NT5C1B: variants seen among roughly 807,000 people sequenced by gnomAD.
NT5C1B encodes the protein cytosolic 5'-nucleotidase 1B.
A neutral mutation model predicts 57.8 loss-of-function variants in NT5C1B; 44 were observed. The ratio of observed to expected loss-of-function variants is 0.76; its 90% CI spans 0.60 to 0.98. The LOEUF is 0.98. NT5C1B is among the 50% of genes least tolerant of loss of function. The pLI is 0.00. For synonymous variants in NT5C1B, 284 were observed against 282.6 expected (o/e 1.00, Z -0.05); for missense variants, 742 against 719.5 (o/e 1.03, Z -0.36).
At chr2:18,585,135 C>T in intron 3 of NT5C1B, 157 bp from the exon 4 acceptor site, 1 of 963,762 alleles carries the variant, frequency 1.0e-6, no homozygotes, top group Non-Finnish European at 1.7e-6. Context: ...ATTTCTAGGC[C>T]TCAGCTGTTT....
Position 18,576,703 on chromosome 2 carries a change from C to T in NT5C1B, c.1144+70G>A, listed in dbSNP as rs115753534. 15,467 of 1,585,712 alleles carry T rather than the reference C, an allele frequency of 9.8e-3. 112 individuals are homozygous for T. The highest frequency in any genetic ancestry group is 0.011 in the Non-Finnish European group (12,463 of 1,170,136). Reference sequence around the variant, plus strand: ...AGACCATAAGCCTCATAATCATATGCGAAACTTAATGTAAGTCACCATTAG... The same window carrying T: ...AGACCATAAGCCTCATAATCATATGTGAAACTTAATGTAAGTCACCATTAG... On this transcript the variant is annotated intron_variant, in intron 7 of 8. Coordinates refer to ENST00000304081, the Ensembl canonical transcript of NT5C1B.
At chr2:18,587,184 G>A in intron 2 of NT5C1B, 1 of 1,608,806 alleles carries the variant, frequency 6.2e-7, no homozygotes, top group South Asian at 1.1e-5. Flanking sequence ...CTGAAAGATT[G>A]TGCAGAAAGT....
At chr2:18,564,260 A>G (rs1664438255) in intron 8 of NT5C1B, 141 bp from the exon 9 acceptor site, 1 of 979,756 alleles carries the variant, frequency 1.0e-6, no homozygotes, top group Non-Finnish European at 1.4e-6. Context: ...TGATGGCAAA[A>G]TGCTAAAACT....
chr2:18,583,608 TA>T (rs1437857494), intron 5 of NT5C1B: 1 of 336,556 alleles, frequency 3.0e-6, no homozygotes, highest in African/African-American at 2.1e-5. Context: ...ATCAAAGTTG[TA>T]AGTGCTATAC....
chr2:18,565,264 G>A (rs1341208495), intron 8 of NT5C1B, among the ~76,000 whole-genome samples: 6 of 151,962 alleles, frequency 3.9e-5, no homozygotes, highest in Non-Finnish European at 7.4e-5. Flanking sequence ...GGTTGTTTTA[G>A]TTTTAATTCT....
At chr2:18,573,746 C>A (rs941622527) in intron 8 of NT5C1B, among the ~76,000 whole-genome samples, 1 of 152,136 alleles carries the variant, frequency 6.6e-6, no homozygotes, top group Non-Finnish European at 1.5e-5. Context: ...CTCATACATT[C>A]TTTCTCATCA....
In NT5C1B at chr2:18,563,770, C is replaced by T. The variant is rs1165364872; in HGVS notation, c.*26G>A. On this transcript the variant is annotated 3_prime_UTR_variant, in exon 9 of 9. Transcript: ENST00000304081. ...AGTGGCTTCTGTAACACCAGACTAT[C>T]ACCACTTTATTTCTCCTCCCTGCCC... 2.0e-6 allele frequency: 3 copies of T among 1,494,838 alleles called. No homozygotes were observed. The East Asian group carries it at 6.9e-5, about 34-fold the overall frequency. 92.6% of individuals were successfully genotyped at this position (1,494,838 alleles called of 1,614,324 possible). A position where few individuals can be genotyped will look rare whatever the true frequency, so the allele number is the denominator to read the frequency against.
rs1369213461 is a variant in NT5C1B at position 18,584,213 on chromosome 2, C to T, written c.766G>A (p.Ala256Thr). The change falls in exon 5 of 9, where the codon GCG (alanine) becomes ACG (threonine). Residue 256 changes from alanine to threonine, a missense_variant. Transcript: ENST00000304081. The surrounding 1 kb of genome is among the most constrained non-coding windows in gnomAD (Gnocchi z 5.8). ...CTGCCGTCCACCATGTTGAAGAGCGCGCAGGATGAGAGAGCAATGGTGATG... is the reference window on the plus strand; with the variant it reads ...CTGCCGTCCACCATGTTGAAGAGCGTGCAGGATGAGAGAGCAATGGTGATG... The T allele has an allele frequency of 1.9e-6, 3 of 1,614,074 alleles. No homozygotes were observed. Among genetic ancestry groups the T allele is most frequent in the East Asian group, 2.2e-5 (1 of 44,866 alleles).
intron 6 of NT5C1B, among the ~76,000 whole-genome samples, chr2:18,582,046 G>C (rs189950762): frequency 1.4e-4 from 21 of 152,216 alleles, no homozygotes; most frequent in Admixed American, 1.3e-3. Flanking sequence ...TTAAATACTA[G>C]CTGTTGTTTA....
At chr2:18,572,101 A>AAAG (rs1266708650) in intron 8 of NT5C1B, among the ~76,000 whole-genome samples, 1 of 150,914 alleles carries the variant, frequency 6.6e-6, no homozygotes, top group Admixed American at 6.6e-5. Context: ...AAAAAAAAAA[A>AAAG]AAGAACTACT....
At chr2:18,582,770 AG>A in intron 6 of NT5C1B, 97 bp downstream of exon 6, 1 of 1,507,302 alleles carries the variant, frequency 6.6e-7, no homozygotes, top group African/African-American at 1.4e-5. Context: ...TCAGTATCAA[AG>A]ACACTGCATT....
At chr2:18,587,764 AAC>A (rs1666852810) in intron 1 of NT5C1B, among the ~76,000 whole-genome samples, 172 bp from the exon 2 acceptor site, 2 of 152,234 alleles carry the variant, frequency 1.3e-5, no homozygotes, top group South Asian at 2.1e-4. Context: ...AGTAAAAGGT[AAC>A]ACATATTTTA....
At chr2:18,583,179 GGAAC>G (rs1032519615) in intron 5 of NT5C1B, among the ~76,000 whole-genome samples, 182 bp from the exon 6 acceptor site, 4 of 152,144 alleles carry the variant, frequency 2.6e-5, no homozygotes, top group Non-Finnish European at 4.4e-5. Flanking sequence ...CTCATTCATA[GGAAC>G]TCAGTTAATG....
At chr2:18,564,140 A>C in intron 8 of NT5C1B, 21 bp from the exon 9 acceptor site, 1 of 1,531,012 alleles carries the variant, frequency 6.5e-7, no homozygotes, top group South Asian at 1.3e-5. Flanking sequence ...AACATATATC[A>C]CAGCTGTGAT....
intron 8 of NT5C1B, among the ~76,000 whole-genome samples, chr2:18,575,886 A>C (rs554025370): frequency 6.6e-6 from 1 of 152,324 alleles, no homozygotes; most frequent in Non-Finnish European, 1.5e-5. Flanking sequence ...ATTGATAAGC[A>C]GTATTTCCTG....
chr2:18,587,113 A>G, intron 2 of NT5C1B: 1 of 1,614,140 alleles, frequency 6.2e-7, no homozygotes, highest in South Asian at 1.1e-5. Context: ...CGTCTACACG[A>G]CGAGTGACCC....
At chr2:18,585,269 GGCA>G in intron 3 of NT5C1B, 1 of 674,538 alleles carries the variant, frequency 1.5e-6, no homozygotes, top group Non-Finnish European at 2.8e-6. Flanking sequence ...CTCCCCCTTA[GGCA>G]GCTGACACAT....
chr2:18,583,300 C>A, intron 5 of NT5C1B: 1 of 209,830 alleles, frequency 4.8e-6, no homozygotes, highest in Admixed American at 5.3e-5. Context: ...CCCTTTTATG[C>A]TTTGTCTATG....
At chr2:18,576,886 A>G (rs1262260795) in exon 7 of NT5C1B, 3 of 1,613,674 alleles carry the variant, frequency 1.9e-6, no homozygotes, top group Admixed American at 1.7e-5. Flanking sequence ...GAAGCGGTCA[A>G]TCAGTAAGCC....
Sources: allele counts gnomAD v4.1 joint callset (sites outside exome capture counted in the v4.1 genomes callset), GRCh38; gene constraint gnomAD v4.1.1; non-coding constraint Gnocchi (gnomAD v3.1); transcripts MANE v1.5; gene names NCBI Gene and HGNC (gene_info 2026-07-23, HGNC 2026-07-21).